Variants in NDFIP1 observed in about 807,000 individuals in gnomAD.
The protein encoded by NDFIP1 is Nedd4 family interacting protein 1, also known as NEDD4 family-interacting protein 1.
NDFIP1 carries 7 observed loss-of-function variants against 28.8 expected under a neutral mutation model. That is an observed-to-expected ratio of 0.24 (90% CI 0.14 to 0.46). The LOEUF (loss-of-function observed/expected upper bound fraction) is 0.46. Among genes scored for constraint, NDFIP1 ranks in the 20% least tolerant of loss-of-function variants. The probability of loss-of-function intolerance (pLI) is 0.99; values close to 1 mark genes in which losing one functional copy is unlikely to be tolerated. For synonymous variants in NDFIP1, 92 were observed against 101.0 expected, an observed-to-expected ratio of 0.91 and a Z score of 0.53; for missense variants, 194 against 269.1, an observed-to-expected ratio of 0.72 and a Z score of 1.95.
intron 7 of NDFIP1, among the ~76,000 whole-genome samples, chr5:142,146,688 TC>T (rs1320503138): frequency 6.6e-6 from 1 of 152,208 alleles, no homozygotes; most frequent in Non-Finnish European, 1.5e-5. Flanking sequence ...AGATCACACC[TC>T]TGTCTATTCT....
At chr5:142,132,580 C>T (rs1284240358) in intron 3 of NDFIP1, among the ~76,000 whole-genome samples, 1 of 152,172 alleles carries the variant, frequency 6.6e-6, no homozygotes, top group African/African-American at 2.4e-5. Context: ...ACTACTTTTT[C>T]AAGTCTCCTG....
intron 1 of NDFIP1, 93 bp downstream of exon 1, chr5:142,109,130 A>C (rs1756984653): frequency 8.8e-7 from 1 of 1,131,704 alleles, no homozygotes; most frequent in Non-Finnish European, 1.1e-6. Flanking sequence ...CCCGCGGCCA[A>C]CTCGACGCCG....
At chr5:142,118,877 A>G (rs1757095457) in intron 1 of NDFIP1, among the ~76,000 whole-genome samples, 1 of 151,966 alleles carries the variant, frequency 6.6e-6, no homozygotes, top group African/African-American at 2.4e-5. Flanking sequence ...TTTTTTAACC[A>G]CTTCCATACT....
chr5:142,142,931 AAAAAAAAAAATATAT>A lies in NDFIP1; in HGVS notation c.563-1638_563-1624del, dbSNP rs1171038992. The A allele has an allele frequency of 2.6e-5, 2 of 78,352 alleles. 1 individual carries two copies. Among genetic ancestry groups the A allele is most frequent in the Non-Finnish European group, 5.7e-5 (2 of 35,236 alleles). 4.9% of individuals were successfully genotyped at this position (78,352 alleles called of 1,614,324 possible). ...AGATTCCATCTCAAAAAAAAAAAAA[AAAAAAAAAAATATAT>A]ATATATATATATATATATATATTAA... On this transcript the variant is annotated intron_variant, in intron 6 of 7. Transcript: ENST00000253814.
Position 142,152,008 on chromosome 5 carries a change from G to A in NDFIP1, c.*280G>A, listed in dbSNP as rs1757451390. ...ATGTATTAATAATGCCTTATATATT[G>A]TTTGTAGTCATTTTAAGTAGCATGA... On this transcript the variant is annotated 3_prime_UTR_variant, in exon 8 of 8. Coordinates refer to ENST00000253814, the MANE Select transcript of NDFIP1 (RefSeq NM_030571.4). The A allele has an allele frequency of 6.5e-6, 1 of 152,710 alleles. No homozygotes were observed. The highest frequency in any genetic ancestry group is 6.5e-5 in the Admixed American group (1 of 15,276). The allele number at this position is 152,710 out of a possible 1,614,324, so 9.5% of individuals were successfully genotyped here. A position where few individuals can be genotyped will look rare whatever the true frequency, so the allele number is the denominator to read the frequency against.
In NDFIP1 at chr5:142,121,835, C is replaced by G. The variant is rs58410857; in HGVS notation, c.64-9973C>G. ...GTTAAAATGGTATTAAGATTAGCTGCTATTTCTTCAGCTAAGTTTCTGTTA... is the reference window on the plus strand; with the variant it reads ...GTTAAAATGGTATTAAGATTAGCTGGTATTTCTTCAGCTAAGTTTCTGTTA... On this transcript the variant is annotated intron_variant, in intron 1 of 7. Coordinates refer to ENST00000253814, the MANE Select transcript of NDFIP1 (RefSeq NM_030571.4). 9.1e-3 allele frequency among the ~76,000 whole-genome samples: 1,387 copies of G among 152,310 alleles called. 21 individuals are homozygous for G. Among genetic ancestry groups the G allele is most frequent in the African/African-American group, 0.032 (1,317 of 41,562 alleles).
intron 1 of NDFIP1, among the ~76,000 whole-genome samples, chr5:142,116,321 T>TC (rs1757066494): frequency 7.1e-6 from 1 of 141,384 alleles, no homozygotes; most frequent in African/African-American, 2.6e-5. Flanking sequence ...TTTATTTATT[T>TC]ATTTCCTTCC....
chr5:142,136,436 A>G (rs1354124203), intron 4 of NDFIP1, among the ~76,000 whole-genome samples: 1 of 151,956 alleles, frequency 6.6e-6, no homozygotes, highest in Non-Finnish European at 1.5e-5. Flanking sequence ...TTACTGGACT[A>G]TATATATATA....
In NDFIP1 at chr5:142,153,588, T is replaced by C; in HGVS notation, c.*1860T>C. On this transcript the variant is annotated 3_prime_UTR_variant, in exon 8 of 8. Transcript: ENST00000253814. The stretch of plus-strand genomic sequence containing the variant: ...ATATTTGATAATAGAGAAGGGAGTT[T>C]TATGGAAGTTTCTTTGAAGATTTTT... 3.3e-6 allele frequency: 1 copy of C among 299,040 alleles called. No individual in the cohort carries two copies. The highest frequency in any genetic ancestry group is 7.9e-5 in the East Asian group (1 of 12,588). The allele number at this position is 299,040 out of a possible 1,614,324, so 18.5% of individuals were successfully genotyped here.
At position 142,152,971 on chromosome 5, in the gene NDFIP1, G is replaced by C. The variant is rs1408777792; in HGVS notation, c.*1243G>C. On this transcript the variant is annotated 3_prime_UTR_variant, in exon 8 of 8. Coordinates refer to ENST00000253814, the MANE Select transcript of NDFIP1 (RefSeq NM_030571.4). ...ATTCCTAAAAATGTATTTGAACATT[G>C]GTTCTGTAAAAGATAATGGACTAAA... 3.8e-6 allele frequency: 1 copy of C among 263,972 alleles called. No individual in the cohort carries two copies. The highest frequency in any genetic ancestry group is 7.5e-6 in the Non-Finnish European group (1 of 133,682). The allele number at this position is 263,972 out of a possible 1,614,324, so 16.4% of individuals were successfully genotyped here. A position where few individuals can be genotyped will look rare whatever the true frequency, so the allele number is the denominator to read the frequency against.
intron 7 of NDFIP1, among the ~76,000 whole-genome samples, chr5:142,145,765 A>G (rs1454303095): frequency 6.6e-6 from 1 of 152,212 alleles, no homozygotes; most frequent in African/African-American, 2.4e-5. Flanking sequence ...TTGAGCACCA[A>G]GCCCATTTGC....
rs946667503 is a variant in NDFIP1 at position 142,152,849 on chromosome 5, A to G, written c.*1121A>G. 6.1e-6 allele frequency: 1 copy of G among 164,766 alleles called. No individual in the cohort carries two copies. Among genetic ancestry groups the G allele is most frequent in the Admixed American group, 6.0e-5 (1 of 16,784 alleles). 10.2% of individuals were successfully genotyped at this position (164,766 alleles called of 1,614,324 possible). A position where few individuals can be genotyped will look rare whatever the true frequency, so the allele number is the denominator to read the frequency against. Reference sequence around the variant, plus strand: ...TGCTAAGGCAATTTTTTCTAATCTTAGGGAATCATTCAGTAGATGCGATTA... The same window carrying G: ...TGCTAAGGCAATTTTTTCTAATCTTGGGGAATCATTCAGTAGATGCGATTA... On this transcript the variant is annotated 3_prime_UTR_variant, in exon 8 of 8. Transcript: ENST00000253814.
intron 3 of NDFIP1, among the ~76,000 whole-genome samples, chr5:142,135,139 C>T (rs1255411302): frequency 4.4e-5 from 6 of 136,264 alleles, no homozygotes; most frequent in South Asian, 2.4e-4. Context: ...CCACCACTCC[C>T]GGCTAATTTT....
Position 142,137,858 on chromosome 5 carries a change from G to T in NDFIP1, c.495G>T (p.Arg165Ser). Residue 165 changes from arginine (R) to serine (S), a missense_variant and splice_region_variant, in exon 5 of 8, where the codon AGG becomes AGT. By Grantham distance (110) the Arg-to-Ser change is moderately radical. Transcript: ENST00000253814. Reference protein sequence around the residue: ...LSLIKWILIVRFSTYFPGYFD... With the variant: ...LSLIKWILIVSFSTYFPGYFD... ...TAATTAAATGGATCCTGATTGTCAG[G>T]GTAAGTTGTATAACAGAAAAGATGG... The T allele has an allele frequency of 6.2e-7, 1 of 1,613,528 alleles. No homozygotes were observed. Among genetic ancestry groups the T allele is most frequent in the Non-Finnish European group, 8.5e-7 (1 of 1,179,664 alleles).
At chr5:142,139,219 CA>C (rs11384111) in intron 5 of NDFIP1, among the ~76,000 whole-genome samples, 303 of 109,256 alleles carry the variant, frequency 2.8e-3, no homozygotes, top group Middle Eastern at 5.4e-3. Context: ...GACTCCTTCT[CA>C]AAAAAAAAAA....
At chr5:142,111,276 T>G (rs1464208279) in intron 1 of NDFIP1, among the ~76,000 whole-genome samples, 1 of 151,640 alleles carries the variant, frequency 6.6e-6, no homozygotes, top group Non-Finnish European at 1.5e-5. Flanking sequence ...TTCATAATTC[T>G]ATTTTGTAAT....
At chr5:142,128,219 GGAAGAGACT>G in intron 1 of NDFIP1, among the ~76,000 whole-genome samples, 1 of 152,162 alleles carries the variant, frequency 6.6e-6, no homozygotes, top group South Asian at 2.1e-4. Flanking sequence ...CCCAGTTGAT[GGAAGAGACT>G]GAGCATCTTT....
intron 4 of NDFIP1, among the ~76,000 whole-genome samples, chr5:142,137,438 C>T (rs1757288249): frequency 6.6e-6 from 1 of 152,190 alleles, no homozygotes; most frequent in South Asian, 2.1e-4. Flanking sequence ...CAACGTTGGC[C>T]TCCCAAAGTG....
intron 4 of NDFIP1, among the ~76,000 whole-genome samples, chr5:142,136,962 T>A (rs1412887718): frequency 1.3e-5 from 2 of 149,784 alleles, no homozygotes; most frequent in Admixed American, 1.3e-4. Context: ...TCCCAGCCAC[T>A]CGGGAGGCTG....
Sources: allele counts gnomAD v4.1 joint callset (sites outside exome capture counted in the v4.1 genomes callset), GRCh38; gene constraint gnomAD v4.1.1; transcripts MANE v1.5; gene names NCBI Gene and HGNC (gene_info 2026-07-23, HGNC 2026-07-21).